SMARCA2: variants seen among roughly 807,000 people sequenced by gnomAD.
SMARCA2 encodes the protein SWI/SNF related BAF chromatin remodeling complex subunit ATPase 2, also known as SWI/SNF-related matrix-associated actin-dependent regulator of chromatin subfamily A member 2.
Under a neutral mutation model 199.8 loss-of-function variants are expected in SMARCA2, and 61 were observed. The ratio of observed to expected loss-of-function variants is 0.31; its 90% confidence interval spans 0.25 to 0.38. The LOEUF (loss-of-function observed/expected upper bound fraction) is 0.38. Among genes scored for constraint, SMARCA2 ranks in the 10% least tolerant of loss-of-function variants. The pLI is 1.00. For synonymous variants in SMARCA2, 935 were observed against 732.0 expected (o/e 1.28, Z -4.48); for missense variants, 1,344 against 2,012.2 (o/e 0.67, Z 6.35).
At chr9:2,105,371 G>A (rs979264170) in intron 23 of SMARCA2, among the ~76,000 whole-genome samples, 4 of 151,600 alleles carry the variant, frequency 2.6e-5, no homozygotes, top group Non-Finnish European at 4.4e-5. Flanking sequence ...TCAGCCTCCC[G>A]AGTAGCTGGG....
intron 1 of SMARCA2, 104 bp from the exon 2 acceptor site, chr9:2,028,883 A>C: frequency 1.1e-6 from 1 of 934,344 alleles, no homozygotes. Flanking sequence ...GCTCTGTTTG[A>C]TGTTTGTTAC....
rs2275418 is a variant in SMARCA2 at position 2,097,761 on chromosome 9, G to A, written c.3078+290G>A. 5.4e-4 allele frequency among the ~76,000 whole-genome samples: 82 copies of A among 152,278 alleles called. No individual in the cohort carries two copies. In the East Asian group the frequency reaches 0.013, roughly 24 times the overall value. On this transcript the variant is annotated intron_variant, in intron 21 of 33. Transcript: ENST00000349721. ...GGCTCACTTGTGTGGGTTTGGGTAA[G>A]TACTGTGAATTACCTTGTTATACTG...
At chr9:2,089,888 C>A (rs545401783) in intron 19 of SMARCA2, among the ~76,000 whole-genome samples, 2 of 152,078 alleles carry the variant, frequency 1.3e-5, no homozygotes, top group Non-Finnish European at 2.9e-5. Context: ...TTTAATTTAT[C>A]CCATAATTTC....
intron 29 of SMARCA2, among the ~76,000 whole-genome samples, chr9:2,176,827 G>GGATT (rs1298767927): frequency 2.0e-5 from 3 of 152,098 alleles, no homozygotes; most frequent in African/African-American, 7.2e-5. Context: ...CATAGGGCGG[G>GGATT]GATTGCAGGT....
intron 7 of SMARCA2, among the ~76,000 whole-genome samples, chr9:2,057,859 T>C (rs1409501792): frequency 1.3e-5 from 2 of 152,250 alleles, no homozygotes; most frequent in African/African-American, 2.4e-5. Flanking sequence ...TAAACTTATT[T>C]TGTGTCATAC....
At chr9:2,046,064 T>C (rs993084757) in intron 4 of SMARCA2, 2 of 152,244 alleles carry the variant, frequency 1.3e-5, no homozygotes, top group Non-Finnish European at 2.9e-5. Context: ...CTCTGAAGTA[T>C]GTAGACTATT....
At position 2,056,581 on chromosome 9, in the gene SMARCA2, T is replaced by C; in HGVS notation, c.1174-91T>C. 3.4e-6 allele frequency: 4 copies of C among 1,174,982 alleles called. No individual in the cohort carries two copies. Among genetic ancestry groups the C allele is most frequent in the Non-Finnish European group, 4.7e-6 (4 of 842,408 alleles). 72.8% of individuals were successfully genotyped at this position (1,174,982 alleles called of 1,614,324 possible). Reference sequence around the variant, plus strand: ...AGCTTGTGGAGATTCCCCGCCCCACTCTATTCCATTAAATGCAACCGCGAG... The same window carrying C: ...AGCTTGTGGAGATTCCCCGCCCCACCCTATTCCATTAAATGCAACCGCGAG... On this transcript the variant is annotated intron_variant, in intron 6 of 33. Coordinates refer to ENST00000349721, the MANE Select transcript of SMARCA2 (RefSeq NM_003070.5). The surrounding 1 kb of genome is among the most constrained non-coding windows in gnomAD (Gnocchi z 4.0).
At chr9:2,093,117 C>T (rs1049750914) in intron 19 of SMARCA2, among the ~76,000 whole-genome samples, 5 of 152,180 alleles carry the variant, frequency 3.3e-5, no homozygotes, top group Admixed American at 6.5e-5. Flanking sequence ...GAGAAGTCAA[C>T]AGACTTGGCT....
intron 12 of SMARCA2, among the ~76,000 whole-genome samples, chr9:2,075,994 G>A (rs186371416): frequency 1.3e-5 from 2 of 152,158 alleles, no homozygotes; most frequent in East Asian, 1.9e-4. Flanking sequence ...TGGGAGCAAG[G>A]GTTCTAGGGG....
chr9:2,184,133 A>C (rs1395054369), intron 31 of SMARCA2, among the ~76,000 whole-genome samples: 2 of 152,116 alleles, frequency 1.3e-5, no homozygotes, highest in Non-Finnish European at 2.9e-5. Flanking sequence ...CTGCTTGCTG[A>C]GGTCTAAGGT....
At chr9:2,166,755 C>T (rs923751941) in intron 28 of SMARCA2, among the ~76,000 whole-genome samples, 9 of 152,096 alleles carry the variant, frequency 5.9e-5, no homozygotes, top group Admixed American at 2.0e-4. Context: ...ATATATTAAC[C>T]AGTAATCCTT....
chr9:2,055,142 A>T (rs1820296194), intron 6 of SMARCA2, among the ~76,000 whole-genome samples: 1 of 152,274 alleles, frequency 6.6e-6, no homozygotes, highest in African/African-American at 2.4e-5. Context: ...TTTAACAAAT[A>T]TGGTAGCCAC....
At chr9:2,052,591 C>T (rs922323785) in intron 5 of SMARCA2, among the ~76,000 whole-genome samples, 7 of 152,146 alleles carry the variant, frequency 4.6e-5, no homozygotes, top group Non-Finnish European at 5.9e-5. Context: ...GCAAATAAAA[C>T]AAGAATCAGT....
At chr9:2,159,734 G>A (rs2130748273) in intron 27 of SMARCA2, 1 of 1,522,196 alleles carries the variant, frequency 6.6e-7, no homozygotes, top group East Asian at 2.5e-5. Context: ...AATCCTTTCA[G>A]TATTAAATTT....
intron 32 of SMARCA2, among the ~76,000 whole-genome samples, chr9:2,187,828 T>C (rs1827585483): frequency 6.6e-6 from 1 of 152,162 alleles, no homozygotes. Flanking sequence ...CCTGTAATCC[T>C]AGCACTTTGG....
intron 27 of SMARCA2, among the ~76,000 whole-genome samples, chr9:2,139,448 A>C (rs1016568073): frequency 5.9e-5 from 9 of 152,224 alleles, no homozygotes; most frequent in African/African-American, 2.2e-4. Context: ...TCGAGTCACC[A>C]ACACTGGTGT....
intron 1 of SMARCA2, among the ~76,000 whole-genome samples, chr9:2,026,713 C>G (rs1478927816): frequency 6.6e-6 from 1 of 152,012 alleles, no homozygotes; most frequent in African/African-American, 2.4e-5. Context: ...CTTTTATTCA[C>G]TAAAAAATAA....
chr9:2,084,473 A>T (rs760977054), intron 17 of SMARCA2, among the ~76,000 whole-genome samples: 3 of 151,094 alleles, frequency 2.0e-5, no homozygotes, highest in African/African-American at 7.3e-5. Flanking sequence ...ATGAGTTTAC[A>T]TCTCTTAAAA....
intron 9 of SMARCA2, among the ~76,000 whole-genome samples, chr9:2,068,321 T>C (rs1457538911): frequency 1.3e-5 from 2 of 152,200 alleles, no homozygotes; most frequent in African/African-American, 4.8e-5. Flanking sequence ...TTTAATTACT[T>C]GGAAAATCAT....
Sources: gnomAD v4.1 joint callset for allele counts (sites outside exome capture counted in the v4.1 genomes callset) on GRCh38, gnomAD v4.1.1 for gene constraint, Gnocchi (gnomAD v3.1) non-coding constraint, MANE v1.5 for transcripts, NCBI Gene and HGNC (gene_info 2026-07-23, HGNC 2026-07-21) for gene names.